The following ALDH1A2 variants were observed in gnomAD, a reference collection of about 807,000 sequenced individuals.
ALDH1A2 encodes the protein retinal dehydrogenase 2.
In ALDH1A2, 27 loss-of-function variants were observed where a neutral mutation model predicts 60.3. That is an observed-to-expected ratio of 0.45 (90% confidence interval 0.33 to 0.62). The LOEUF is 0.62. ALDH1A2 is among the 20% of genes least tolerant of loss of function. The pLI is 0.02. For missense variants in ALDH1A2, 581 were observed against 643.8 expected, an observed-to-expected ratio of 0.90 and a Z score of 1.06; for synonymous variants, 289 against 232.4, an observed-to-expected ratio of 1.24 and a Z score of -2.21.
chr15:57,955,332 C>T (rs1293864013), intron 12 of ALDH1A2, 63 bp from the exon 13 acceptor site: 23 of 1,563,774 alleles, frequency 1.5e-5, no homozygotes, highest in Middle Eastern at 1.8e-4. Context: ...GTGAGTGCAG[C>T]GGGAGTCCTG....
intron 1 of ALDH1A2, among the ~76,000 whole-genome samples, chr15:58,028,076 C>T (rs1019237016): frequency 6.6e-6 from 1 of 152,082 alleles, no homozygotes; most frequent in African/African-American, 2.4e-5. Context: ...TCAAGAAGAG[C>T]AACCCCAAGA....
chr15:58,029,783 T>A (rs1490089365), intron 1 of ALDH1A2, among the ~76,000 whole-genome samples: 1 of 151,708 alleles, frequency 6.6e-6, no homozygotes, highest in East Asian at 1.9e-4. Flanking sequence ...AACTAGAAAA[T>A]CTAGAAGAAA....
intron 7 of ALDH1A2, among the ~76,000 whole-genome samples, chr15:57,976,198 T>A (rs1244872490): frequency 6.6e-6 from 1 of 152,270 alleles, no homozygotes. Flanking sequence ...TCTGGCAAAC[T>A]CAGTTTGAAG....
intron 1 of ALDH1A2, among the ~76,000 whole-genome samples, chr15:58,047,879 T>C (rs1242551939): frequency 6.6e-6 from 1 of 152,052 alleles, no homozygotes; most frequent in Non-Finnish European, 1.5e-5. Context: ...GATGATTGAT[T>C]GCATTTTTCA....
intron 3 of ALDH1A2, among the ~76,000 whole-genome samples, chr15:58,011,287 C>A (rs1895626374): frequency 6.6e-6 from 1 of 152,182 alleles, no homozygotes; most frequent in African/African-American, 2.4e-5. Context: ...TAAACAAGAT[C>A]TCCTCTAGGG....
chr15:57,974,584 C>G (rs982509972), intron 7 of ALDH1A2, among the ~76,000 whole-genome samples: 1 of 151,524 alleles, frequency 6.6e-6, no homozygotes, highest in South Asian at 2.1e-4. Flanking sequence ...ATCCATCTAT[C>G]TAGCACTTGG....
At chr15:58,048,088 G>C (rs1896678893) in intron 1 of ALDH1A2, among the ~76,000 whole-genome samples, 1 of 151,934 alleles carries the variant, frequency 6.6e-6, no homozygotes. Flanking sequence ...TGAGTCCTAA[G>C]CTGAAAGTCA....
intron 1 of ALDH1A2, among the ~76,000 whole-genome samples, chr15:58,041,468 AAAC>A (rs1220109505): frequency 6.6e-6 from 1 of 151,904 alleles, no homozygotes; most frequent in Non-Finnish European, 1.5e-5. Flanking sequence ...TGTGGCTTAC[AAAC>A]AACAGAAACT....
intron 1 of ALDH1A2, among the ~76,000 whole-genome samples, chr15:58,056,943 T>C (rs1027483599): frequency 1.3e-5 from 2 of 152,120 alleles, no homozygotes; most frequent in African/African-American, 4.8e-5. Flanking sequence ...TGGGATATAC[T>C]GGAGGTGTAC....
At chr15:57,973,423 T>C (rs1317446540) in intron 7 of ALDH1A2, among the ~76,000 whole-genome samples, 2 of 152,218 alleles carry the variant, frequency 1.3e-5, no homozygotes, top group Non-Finnish European at 2.9e-5. Flanking sequence ...CACTTTGTAA[T>C]GTACCAATAG....
At chr15:58,030,262 C>T (rs1405263919) in intron 1 of ALDH1A2, among the ~76,000 whole-genome samples, 4 of 152,126 alleles carry the variant, frequency 2.6e-5, no homozygotes, top group East Asian at 1.9e-4. Flanking sequence ...TATAATCCAT[C>T]GCATAAACAG....
intron 12 of ALDH1A2, among the ~76,000 whole-genome samples, chr15:57,960,338 C>T (rs1893679479): frequency 6.6e-6 from 1 of 152,168 alleles, no homozygotes; most frequent in African/African-American, 2.4e-5. Flanking sequence ...AAACATGTTT[C>T]CTCTGTGAGT....
At chr15:58,027,979 GA>G (rs1896124515) in intron 1 of ALDH1A2, among the ~76,000 whole-genome samples, 1 of 152,154 alleles carries the variant, frequency 6.6e-6, no homozygotes, top group African/African-American at 2.4e-5. Flanking sequence ...CACTCTTCAG[GA>G]CATTATCCAG....
At chr15:58,002,729 CTG>C (rs1895315670) in intron 4 of ALDH1A2, among the ~76,000 whole-genome samples, 1 of 151,858 alleles carries the variant, frequency 6.6e-6, no homozygotes, top group African/African-American at 2.4e-5. Flanking sequence ...GCATAAAAAT[CTG>C]TAACACAATT....
chr15:58,033,661 T>A (rs568650738), intron 1 of ALDH1A2, among the ~76,000 whole-genome samples: 1 of 150,344 alleles, frequency 6.7e-6, no homozygotes, highest in African/African-American at 2.4e-5. Context: ...TTGTGGAAGT[T>A]GTAAGTTCAG....
chr15:58,037,752 A>C (rs543484161), intron 1 of ALDH1A2, among the ~76,000 whole-genome samples: 5 of 151,790 alleles, frequency 3.3e-5, no homozygotes, highest in East Asian at 3.9e-4. Context: ...CATCATCCCT[A>C]TATGTGTACT....
At chr15:57,992,374 T>C (rs1304010258) in intron 7 of ALDH1A2, among the ~76,000 whole-genome samples, 1 of 152,226 alleles carries the variant, frequency 6.6e-6, no homozygotes, top group African/African-American at 2.4e-5. Context: ...TGTGTCTCCA[T>C]TCTTATCCTT....
intron 4 of ALDH1A2, among the ~76,000 whole-genome samples, chr15:58,004,719 G>GTA (rs1566945531): frequency 8.7e-4 from 98 of 112,942 alleles, no homozygotes; most frequent in South Asian, 3.7e-3. Flanking sequence ...GTGTGTGTGT[G>GTA]TATATATATA....
chr15:58,064,215 T>C (rs1417055241), intron 1 of ALDH1A2, among the ~76,000 whole-genome samples: 1 of 152,144 alleles, frequency 6.6e-6, no homozygotes, highest in African/African-American at 2.4e-5. Flanking sequence ...CCCAGACAAG[T>C]GCCACACATT....
Sources: gnomAD v4.1 joint callset for allele counts (sites outside exome capture counted in the v4.1 genomes callset) on GRCh38, gnomAD v4.1.1 for gene constraint, MANE v1.5 for transcripts, NCBI Gene and HGNC (gene_info 2026-07-23, HGNC 2026-07-21) for gene names.